Variants in ECRG4 observed in about 807,000 individuals in gnomAD.
ECRG4 encodes ECRG4 augurin precursor, also known as augurin.
In ECRG4, 18 loss-of-function variants were observed where a neutral mutation model predicts 15.8. The observed-to-expected ratio is 1.14, with a 90% CI of 0.79 to 1.69. The LOEUF (loss-of-function observed/expected upper bound fraction) is 1.69. Ranked by LOEUF, ECRG4 falls within the 40% of genes most tolerant of loss-of-function variation. The probability of loss-of-function intolerance (pLI) is 0.00; values close to 1 mark genes in which losing one functional copy is unlikely to be tolerated. For missense variants in ECRG4, 200 were observed against 190.9 expected (o/e 1.05, Z -0.28); for synonymous variants, 82 against 73.9 (o/e 1.11, Z -0.56).
intron 1 of ECRG4, among the ~76,000 whole-genome samples, chr2:106,070,635 C>T (rs557124577): frequency 4.1e-4 from 63 of 152,252 alleles, no homozygotes; most frequent in African/African-American, 1.5e-3. Context: ...TATTTTTTCC[C>T]CCAGCTTTAT....
At chr2:106,064,660 A>G (rs1185051612), upstream of ECRG4, among the ~76,000 whole-genome samples, 1 of 152,162 alleles carries the variant, frequency 6.6e-6, no homozygotes, top group Non-Finnish European at 1.5e-5. Context: ...CTGGGCAACA[A>G]GAGTGAAACT....
chr2:106,065,563 G>A, upstream of ECRG4: 2 of 397,048 alleles, frequency 5.0e-6, no homozygotes, highest in Non-Finnish European at 8.8e-6. Flanking sequence ...AGAGGACCTC[G>A]GTGGTACTCG....
At position 106,067,152 on chromosome 2, in the gene ECRG4, C is replaced by G. The variant is rs113771514; in HGVS notation, c.79+1309C>G. On this transcript the variant is annotated intron_variant, in intron 1 of 3. Transcript: ENST00000238044. ...CCCCGTCTCTACTAAAAATGCCAGACGTGATGGCACGTTCCTGTAATCCCA... is the reference window on the plus strand; with the variant it reads ...CCCCGTCTCTACTAAAAATGCCAGAGGTGATGGCACGTTCCTGTAATCCCA... Among the ~76,000 whole-genome samples, 1,243 of 142,614 alleles carry G rather than the reference C, an allele frequency of 8.7e-3. 16 individuals are homozygous for G. The highest frequency in any genetic ancestry group is 0.03 in the Middle Eastern group (8 of 270). 93.6% of individuals were successfully genotyped at this position (142,614 alleles called of 152,430 possible).
rs1676380082 is a variant in ECRG4 at position 106,071,892 on chromosome 2, G to A, written c.127+1G>A. ...AAGCTGATGCTTCAAAAACGAGAAG[G>A]TAAATATACCCCAAATGGATAAGGG... On this transcript the variant is annotated splice_donor_variant, in intron 2 of 3. Coordinates refer to ENST00000238044, the MANE Select transcript of ECRG4 (RefSeq NM_032411.3). LOFTEE classifies it high-confidence loss of function. 3.1e-6 allele frequency: 5 copies of A among 1,611,828 alleles called. No homozygotes were observed. The Admixed American group carries it at 8.3e-5, about 27-fold the overall frequency.
upstream of ECRG4, among the ~76,000 whole-genome samples, chr2:106,064,835 C>T (rs1301084283): frequency 1.3e-5 from 2 of 152,136 alleles, no homozygotes; most frequent in Non-Finnish European, 2.9e-5. Flanking sequence ...GCTCAGAGTC[C>T]GTTGGGATAA....
At chr2:106,069,106 TCC>T (rs1191029078) in intron 1 of ECRG4, among the ~76,000 whole-genome samples, 1 of 133,392 alleles carries the variant, frequency 7.5e-6, no homozygotes, top group African/African-American at 2.7e-5. Context: ...CTTCCTTCCT[TCC>T]TTCTTTTTCT....
chr2:106,074,569 A>T lies in ECRG4; in HGVS notation c.285+526A>T, dbSNP rs145710115. ...GATGGTTTACAGTTCATGCGCCTAGATGGCATTGGTGGACGTATTCATTGA... is the reference window on the plus strand; with the variant it reads ...GATGGTTTACAGTTCATGCGCCTAGTTGGCATTGGTGGACGTATTCATTGA... On this transcript the variant is annotated intron_variant, in intron 3 of 3. Coordinates refer to ENST00000238044, the MANE Select transcript of ECRG4 (RefSeq NM_032411.3). Among the ~76,000 whole-genome samples the T allele has an allele frequency of 9.4e-3, 1,426 of 152,356 alleles. 26 individuals carry two copies. Among genetic ancestry groups the T allele is most frequent in the African/African-American group, 0.032 (1,343 of 41,576 alleles).
chr2:106,069,422 C>T (rs1016332511), intron 1 of ECRG4, among the ~76,000 whole-genome samples: 2 of 151,338 alleles, frequency 1.3e-5, no homozygotes, highest in Admixed American at 6.6e-5. Context: ...CAACTTCTGT[C>T]TCCCAGGTTC....
upstream of ECRG4, among the ~76,000 whole-genome samples, chr2:106,064,986 G>A (rs887060375): frequency 8.6e-5 from 13 of 152,004 alleles, no homozygotes; most frequent in African/African-American, 2.7e-4. Context: ...ATTACAGAGC[G>A]GGCAAAGGGA....
In ECRG4 at chr2:106,074,027, T is replaced by C. The variant is rs150302380; in HGVS notation, c.269T>C (p.Met90Thr). 3.7e-5 allele frequency: 60 copies of C among 1,613,204 alleles called. 1 individual carries two copies. In the African/African-American group the frequency reaches 5.6e-4, roughly 15 times the overall value. Reference sequence around the variant, plus strand: ...CAGTGGTACCAGCAGTTTCTCTACATGGGCTTTGACGAAGCGGTAGGTGTT... The same window carrying C: ...CAGTGGTACCAGCAGTTTCTCTACACGGGCTTTGACGAAGCGGTAGGTGTT... ...VQQWYQQFLY[M>T]GFDEAKFEDD... Residue 90 changes from methionine (M) to threonine (T), a missense_variant, in exon 3 of 4, where the codon ATG becomes ACG. Transcript: ENST00000238044.
chr2:106,067,837 CTTTTT>C (rs34289824), intron 1 of ECRG4, among the ~76,000 whole-genome samples: 1 of 141,906 alleles, frequency 7.0e-6, no homozygotes. Flanking sequence ...CACCTCCAAA[CTTTTT>C]TTTTTTTTTT....
At chr2:106,069,150 TTC>T (rs1676293238) in intron 1 of ECRG4, among the ~76,000 whole-genome samples, 1 of 131,910 alleles carries the variant, frequency 7.6e-6, no homozygotes, top group Non-Finnish European at 1.6e-5. Context: ...TTTCTTTCTT[TTC>T]TTTCTTTCTT....
rs953506276 is a variant in ECRG4 at position 106,073,984 on chromosome 2, A to G, written c.226A>G (p.Thr76Ala). 6.2e-7 allele frequency: 1 copy of G among 1,614,000 alleles called. No individual in the cohort carries two copies. ...CCAGAAGCGGCAGCTGTGGGACCGG[A>G]CTCGGCCCGAGGTGCAGCAGTGGTA... ...KRQKRQLWDR[T>A]RPEVQQWYQQ... The change falls in exon 3 of 4, where the codon ACT becomes GCT. Residue 76 changes from threonine (T) to alanine (A), a missense_variant. By Grantham distance (58) the Thr-to-Ala change is moderately conservative (BLOSUM62 0). Coordinates refer to ENST00000238044, the MANE Select transcript of ECRG4 (RefSeq NM_032411.3).
chr2:106,074,269 G>T, intron 3 of ECRG4: 1 of 522,590 alleles, frequency 1.9e-6, no homozygotes, highest in East Asian at 3.1e-5. Context: ...CAGAACCCAC[G>T]GCAGTCATGA....
intron 3 of ECRG4, among the ~76,000 whole-genome samples, chr2:106,074,603 C>T (rs1036230361): frequency 6.6e-5 from 10 of 152,220 alleles, no homozygotes; most frequent in Non-Finnish European, 1.2e-4. Context: ...GAATGAAAGA[C>T]AAAGAGTTTA....
Sources: allele counts gnomAD v4.1 joint callset (sites outside exome capture counted in the v4.1 genomes callset), GRCh38; gene constraint gnomAD v4.1.1; transcripts MANE v1.5; gene names NCBI Gene and HGNC (gene_info 2026-07-23, HGNC 2026-07-21).